Variants in JARID2 observed in about 807,000 individuals in gnomAD.
JARID2 encodes the protein jumonji and AT-rich interaction domain containing 2, also known as protein Jumonji.
A neutral mutation model predicts 125.6 loss-of-function variants in JARID2; 21 were observed. That is an observed-to-expected ratio of 0.17 (90% CI 0.12 to 0.24). JARID2 has a LOEUF of 0.24. Among genes scored for constraint, JARID2 ranks in the 10% least tolerant of loss-of-function variants. JARID2 has a pLI of 1.00. For synonymous variants in JARID2, 736 were observed against 661.6 expected (o/e 1.11, Z -1.73); for missense variants, 1,303 against 1,639.6 (o/e 0.79, Z 3.55).
chr6:15,449,773 T>C (rs536486303), intron 3 of JARID2, among the ~76,000 whole-genome samples: 11 of 152,336 alleles, frequency 7.2e-5, no homozygotes, highest in African/African-American at 2.4e-4. Context: ...AGTCACACTT[T>C]GTCCGTTTTG....
At chr6:15,323,892 A>G (rs968978088) in intron 1 of JARID2, among the ~76,000 whole-genome samples, 1 of 152,094 alleles carries the variant, frequency 6.6e-6, no homozygotes, top group Non-Finnish European at 1.5e-5. Context: ...TCTGTCAAAA[A>G]ATAAAAAAGG....
intron 4 of JARID2, among the ~76,000 whole-genome samples, chr6:15,462,674 A>G (rs1437904961): frequency 6.6e-6 from 1 of 152,248 alleles, no homozygotes; most frequent in East Asian, 1.9e-4. Context: ...GGGTCAAGCA[A>G]TAGAATTTGA....
At chr6:15,517,332 A>G in intron 17 of JARID2, 64 bp downstream of exon 17, 2 of 1,125,532 alleles carry the variant, frequency 1.8e-6, no homozygotes. Context: ...TCCCGGCTGG[A>G]TGTAGGCACT....
At chr6:15,355,982 C>G (rs771534575) in intron 1 of JARID2, among the ~76,000 whole-genome samples, 4 of 152,194 alleles carry the variant, frequency 2.6e-5, no homozygotes, top group African/African-American at 7.2e-5. Flanking sequence ...GTAGTCCCCC[C>G]TCCTTTCCCA....
At chr6:15,496,016 C>A in intron 6 of JARID2, 116 bp from the exon 7 acceptor site, 2 of 792,830 alleles carry the variant, frequency 2.5e-6, no homozygotes, top group Non-Finnish European at 4.1e-6. Context: ...ACACTACAGG[C>A]TGCTGGCTCT....
Position 15,442,153 on chromosome 6 carries a change from G to A in JARID2, c.324-9853G>A, listed in dbSNP as rs183247348. On this transcript the variant is annotated intron_variant, in intron 3 of 17. Transcript: ENST00000341776. The stretch of plus-strand genomic sequence containing the variant: ...TAAAACAGGATTCTCGCCTCACAGG[G>A]TCATTCCCTTTGCCTTTCCAAACAT... 1.1e-3 allele frequency among the ~76,000 whole-genome samples: 166 copies of A among 151,908 alleles called. 1 individual carries two copies. Among genetic ancestry groups the A allele is most frequent in the Non-Finnish European group, 2.1e-3 (144 of 67,964 alleles).
chr6:15,461,730 A>G (rs922513641), intron 4 of JARID2, among the ~76,000 whole-genome samples: 8 of 152,138 alleles, frequency 5.3e-5, no homozygotes, highest in Non-Finnish European at 7.4e-5. Flanking sequence ...GCTTTTGCCT[A>G]TGTTTGGAGC....
rs1019986027 is a variant in JARID2 at position 15,385,503 on chromosome 6, T to A, written c.181+11251T>A. Among the ~76,000 whole-genome samples the A allele has an allele frequency of 4.0e-5, 6 of 150,842 alleles. No individual in the cohort carries two copies. The East Asian group carries it at 7.7e-4, about 19-fold the overall frequency. On this transcript the variant is annotated intron_variant, in intron 2 of 17. Coordinates refer to ENST00000341776, the MANE Select transcript of JARID2 (RefSeq NM_004973.4). ...TATATAGATTTTTTAATAGATTTTT[T>A]AAGATATAGTTTTTTATAGATATTA...
chr6:15,496,888 G>A lies in JARID2; in HGVS notation c.1663G>A (p.Asp555Asn). 1 of 1,601,808 alleles carries A rather than the reference G, an allele frequency of 6.2e-7. No homozygotes were observed. Among genetic ancestry groups the A allele is most frequent in the Non-Finnish European group, 8.5e-7 (1 of 1,171,966 alleles). Residue 555 changes from aspartate (D) to asparagine (N), a missense_variant, in exon 7 of 18, where the codon GAC becomes AAC. Physicochemically the swap from Asp to Asn is conservative, Grantham distance 23. This residue lies in a region of JARID2 where 651 missense variants were observed against 581.6 expected (regional missense o/e 1.12). Coordinates refer to ENST00000341776, the MANE Select transcript of JARID2 (RefSeq NM_004973.4). ...GGGKAGWAAMDEIPVLRPSAK... is the reference protein window; with the variant it reads ...GGGKAGWAAMNEIPVLRPSAK... ...CGGCAAGGCCGGGTGGGCGGCCATG[G>A]ACGAGATCCCCGTCCTCAGGCCCTC... is the stretch of plus-strand genomic sequence containing the variant.
intron 1 of JARID2, among the ~76,000 whole-genome samples, chr6:15,275,803 A>G (rs1760481971): frequency 6.6e-6 from 1 of 152,022 alleles, no homozygotes. Context: ...AGTTGTATTA[A>G]CCTAATTGCT....
intron 1 of JARID2, among the ~76,000 whole-genome samples, chr6:15,265,023 A>G (rs575335231): frequency 5.9e-5 from 9 of 152,334 alleles, no homozygotes; most frequent in African/African-American, 9.6e-5. Context: ...TACAAATGCA[A>G]AAAAGCTGTC....
chr6:15,429,305 C>T (rs1370472836), intron 3 of JARID2, among the ~76,000 whole-genome samples: 1 of 151,738 alleles, frequency 6.6e-6, no homozygotes, highest in African/African-American at 2.4e-5. Context: ...CACTCTGTCA[C>T]CCAGGCTGGA....
At chr6:15,483,001 T>A (rs1769697156) in intron 5 of JARID2, among the ~76,000 whole-genome samples, 1 of 152,222 alleles carries the variant, frequency 6.6e-6, no homozygotes, top group Non-Finnish European at 1.5e-5. Context: ...TTTCTGAAAT[T>A]CTAATTTTTG....
intron 2 of JARID2, among the ~76,000 whole-genome samples, 163 bp from the exon 3 acceptor site, chr6:15,410,061 G>A (rs1023620322): frequency 6.6e-6 from 1 of 152,158 alleles, no homozygotes; most frequent in Non-Finnish European, 1.5e-5. Context: ...CATAGAATGA[G>A]GTTTTGCTTT....
intron 2 of JARID2, among the ~76,000 whole-genome samples, chr6:15,399,248 G>A (rs1765332474): frequency 6.6e-6 from 1 of 152,094 alleles, no homozygotes; most frequent in Admixed American, 6.6e-5. Flanking sequence ...TGTATATTGA[G>A]GTTACCCCAC....
intron 1 of JARID2, among the ~76,000 whole-genome samples, chr6:15,294,416 T>A (rs1226746317): frequency 2.0e-5 from 3 of 152,176 alleles, no homozygotes; most frequent in African/African-American, 7.2e-5. Context: ...ATGGTCTCGA[T>A]CTCCTGGCCT....
intron 1 of JARID2, among the ~76,000 whole-genome samples, chr6:15,355,971 A>C (rs530490707): frequency 2.6e-5 from 4 of 152,292 alleles, no homozygotes; most frequent in African/African-American, 9.6e-5. Flanking sequence ...ATCCATTAGC[A>C]GTAGTCCCCC....
intron 1 of JARID2, among the ~76,000 whole-genome samples, chr6:15,370,411 C>T (rs1383948173): frequency 1.4e-5 from 2 of 146,290 alleles, no homozygotes; most frequent in Non-Finnish European, 3.0e-5. Context: ...TGCACACGAT[C>T]ACTGCAAGCT....
chr6:15,274,331 G>T (rs977208873), intron 1 of JARID2, among the ~76,000 whole-genome samples: 3 of 151,974 alleles, frequency 2.0e-5, no homozygotes, highest in South Asian at 2.1e-4. Context: ...GTTTTTTTGT[G>T]GTTCTTTAGA....
Sources: allele counts gnomAD v4.1 joint callset (sites outside exome capture counted in the v4.1 genomes callset), GRCh38; gene constraint gnomAD v4.1.1; regional missense constraint gnomAD v4.1.1; transcripts MANE v1.5; gene names NCBI Gene and HGNC (gene_info 2026-07-23, HGNC 2026-07-21).